Variants in STARD6 observed in about 807,000 individuals in gnomAD.
STARD6 encodes the protein stAR-related lipid transfer protein 6.
STARD6 carries 21 observed loss-of-function variants against 22.3 expected under a neutral mutation model. That is an observed-to-expected ratio of 0.94 (90% CI 0.67 to 1.35). The LOEUF is 1.35. STARD6 is among the 40% of genes most tolerant of loss of function. STARD6 has a pLI of 0.00. For synonymous variants in STARD6, 80 were observed against 88.1 expected (o/e 0.91, Z 0.52); for missense variants, 269 against 266.9 (o/e 1.01, Z -0.05).
At chr18:54,351,209 T>C (rs2089092900) in intron 4 of STARD6, among the ~76,000 whole-genome samples, 1 of 152,194 alleles carries the variant, frequency 6.6e-6, no homozygotes, top group African/African-American at 2.4e-5. Context: ...TGCTTAGATA[T>C]ATTCTTAAGT....
At chr18:54,349,755 T>G (rs886402899) in intron 4 of STARD6, among the ~76,000 whole-genome samples, 1 of 152,208 alleles carries the variant, frequency 6.6e-6, no homozygotes, top group Non-Finnish European at 1.5e-5. Context: ...AAAGATGATG[T>G]TTGGTTTTCC....
At chr18:54,327,528 T>A (rs532958602) in intron 7 of STARD6, among the ~76,000 whole-genome samples, 2 of 152,276 alleles carry the variant, frequency 1.3e-5, no homozygotes, top group East Asian at 3.9e-4. Context: ...ATGAATAATT[T>A]AATGGTGGGT....
At chr18:54,339,590 G>GA (rs922887683) in intron 4 of STARD6, among the ~76,000 whole-genome samples, 2 of 151,542 alleles carry the variant, frequency 1.3e-5, no homozygotes, top group African/African-American at 4.8e-5. Context: ...AAGAGCTGAA[G>GA]AAAAAAAGCT....
At chr18:54,339,125 A>AG (rs1249758603) in intron 4 of STARD6, among the ~76,000 whole-genome samples, 1 of 147,438 alleles carries the variant, frequency 6.8e-6, no homozygotes, top group Non-Finnish European at 1.5e-5. Context: ...TAACGAAAGC[A>AG]GGAAAAAAAA....
intron 5 of STARD6, among the ~76,000 whole-genome samples, chr18:54,335,544 G>A (rs760825872): frequency 6.6e-6 from 1 of 152,056 alleles, no homozygotes; most frequent in African/African-American, 2.4e-5. Context: ...GATATCTATA[G>A]TGTGCTGGAC....
intron 2 of STARD6, chr18:54,355,818 T>A (rs1297008158): frequency 6.6e-6 from 1 of 152,230 alleles, no homozygotes; most frequent in Non-Finnish European, 1.5e-5. Flanking sequence ...CACTGGTCCT[T>A]CGGGTCATCA....
At chr18:54,330,663 T>C (rs1026770317) in intron 6 of STARD6, among the ~76,000 whole-genome samples, 2 of 152,106 alleles carry the variant, frequency 1.3e-5, no homozygotes, top group African/African-American at 4.8e-5. Context: ...CAATGGAAAC[T>C]TTTAAAAGCA....
At chr18:54,349,134 CAAA>C (rs1375687844) in intron 4 of STARD6, among the ~76,000 whole-genome samples, 3 of 151,894 alleles carry the variant, frequency 2.0e-5, no homozygotes, top group African/African-American at 4.8e-5. Flanking sequence ...CGTAAGAAAA[CAAA>C]GAAGATAAAT....
intron 4 of STARD6, among the ~76,000 whole-genome samples, chr18:54,351,824 G>A (rs1283721297): frequency 1.4e-5 from 2 of 147,010 alleles, no homozygotes; most frequent in Admixed American, 6.8e-5. Flanking sequence ...TTATCTTTTT[G>A]ATATACTGTT....
chr18:54,329,875 G>T (rs1191942905), intron 6 of STARD6, among the ~76,000 whole-genome samples: 1 of 146,136 alleles, frequency 6.8e-6, no homozygotes, highest in Admixed American at 6.8e-5. Flanking sequence ...TGTTAATCAT[G>T]TTTTTTTTTT....
At chr18:54,336,741 C>T (rs1272107877) in intron 5 of STARD6, among the ~76,000 whole-genome samples, 1 of 152,148 alleles carries the variant, frequency 6.6e-6, no homozygotes, top group Non-Finnish European at 1.5e-5. Flanking sequence ...TCCCCTTCGC[C>T]TTCTGCCATG....
chr18:54,336,429 C>T (rs2144674536), intron 5 of STARD6, among the ~76,000 whole-genome samples: 1 of 152,276 alleles, frequency 6.6e-6, no homozygotes, highest in South Asian at 2.1e-4. Context: ...TCTCCTTTGC[C>T]TTCTACCATG....
At chr18:54,351,129 C>A (rs937247566) in intron 4 of STARD6, among the ~76,000 whole-genome samples, 1 of 152,122 alleles carries the variant, frequency 6.6e-6, no homozygotes, top group African/African-American at 2.4e-5. Flanking sequence ...GATGTGTTTC[C>A]ATTTGTTTGT....
At chr18:54,338,447 C>T (rs534327543) in intron 4 of STARD6, among the ~76,000 whole-genome samples, 44 of 152,082 alleles carry the variant, frequency 2.9e-4, no homozygotes, top group Middle Eastern at 3.4e-3. Context: ...AAAAGATAAC[C>T]GCAAGTAAAA....
chr18:54,343,280 A>C (rs1379943858), intron 4 of STARD6, among the ~76,000 whole-genome samples: 3 of 96,784 alleles, frequency 3.1e-5, no homozygotes, highest in Non-Finnish European at 4.4e-5. Context: ...GCCCCGTCTG[A>C]GAAGTGAGGA....
chr18:54,328,758 A>G (rs1318128039), intron 7 of STARD6, among the ~76,000 whole-genome samples: 1 of 152,200 alleles, frequency 6.6e-6, no homozygotes, highest in African/African-American at 2.4e-5. Context: ...AACTTGTGAA[A>G]TGATATACAT....
rs182610694 is a variant in STARD6 at position 54,326,048 on chromosome 18, G to A, written c.480-1173C>T. ...TCTAACTTCCATATGCATTTTTTCCGTAATCAGATCTGTAAATATGTCTCT... is the reference window on the plus strand; with the variant it reads ...TCTAACTTCCATATGCATTTTTTCCATAATCAGATCTGTAAATATGTCTCT... On this transcript the variant is annotated intron_variant, in intron 7 of 7. Coordinates refer to ENST00000307844, the MANE Select transcript of STARD6 (RefSeq NM_139171.2). Among the ~76,000 whole-genome samples, 195 of 152,094 alleles carry A rather than the reference G, an allele frequency of 1.3e-3. 1 individual carries two copies. The highest frequency in any genetic ancestry group is 4.0e-3 in the South Asian group (19 of 4,808).
chr18:54,342,417 C>CTCTCCGTCTCCGTCTCCGTCTCCG (rs1318436579), intron 4 of STARD6, among the ~76,000 whole-genome samples: 1 of 116,670 alleles, frequency 8.6e-6, no homozygotes, highest in Admixed American at 8.4e-5. Context: ...TAAGAAAATG[C>CTCTCCGTCTCCGTCTCCGTCTCCG]TCTCCGTCTC....
chr18:54,348,236 CT>C (rs2089057001), intron 4 of STARD6, among the ~76,000 whole-genome samples: 1 of 152,100 alleles, frequency 6.6e-6, no homozygotes, highest in Non-Finnish European at 1.5e-5. Flanking sequence ...ATTTATAAAA[CT>C]TACAAACTGT....
Sources: gnomAD v4.1 joint callset for allele counts (sites outside exome capture counted in the v4.1 genomes callset) on GRCh38, gnomAD v4.1.1 for gene constraint, MANE v1.5 for transcripts, NCBI Gene and HGNC (gene_info 2026-07-23, HGNC 2026-07-21) for gene names.